The following MLLT3 variants were observed in gnomAD, a reference collection of about 807,000 sequenced individuals.
MLLT3 encodes the protein protein AF-9.
A neutral mutation model predicts 53.2 loss-of-function variants in MLLT3; 4 were observed. That is an observed-to-expected ratio of 0.08 (90% CI 0.04 to 0.17). MLLT3 has a LOEUF of 0.17. Among genes scored for constraint, MLLT3 ranks in the 10% least tolerant of loss-of-function variants. The pLI is 1.00. For synonymous variants in MLLT3, 283 were observed against 230.6 expected, an observed-to-expected ratio of 1.23 and a Z score of -2.06; for missense variants, 569 against 684.0, an observed-to-expected ratio of 0.83 and a Z score of 1.87.
At chr9:20,614,482 A>C (rs1820776391) in intron 2 of MLLT3, among the ~76,000 whole-genome samples, 1 of 152,116 alleles carries the variant, frequency 6.6e-6, no homozygotes, top group Non-Finnish European at 1.5e-5. Flanking sequence ...AAAAAAAAGC[A>C]CACACTTGTT....
Position 20,448,016 on chromosome 9 carries a change from C to A in MLLT3, c.420+107G>T. On this transcript the variant is annotated intron_variant, in intron 4 of 10. Transcript: ENST00000380338. The surrounding 1 kb of genome is among the most constrained non-coding windows in gnomAD (Gnocchi z 4.0). The stretch of plus-strand genomic sequence containing the variant: ...AAGGTACATCATTTCTTTTACCTCT[C>A]CCAAAACCTTATACTTTTTAACACA... 7.8e-7 allele frequency: 1 copy of A among 1,279,502 alleles called. No individual in the cohort carries two copies. Among genetic ancestry groups the A allele is most frequent in the African/African-American group, 1.5e-5 (1 of 67,344 alleles). The allele number at this position is 1,279,502 out of a possible 1,614,324, so 79.3% of individuals were successfully genotyped here.
intron 2 of MLLT3, among the ~76,000 whole-genome samples, chr9:20,537,230 G>A (rs1039316840): frequency 3.3e-5 from 5 of 152,166 alleles, no homozygotes; most frequent in Admixed American, 2.0e-4. Context: ...AGCTGGGCAA[G>A]AAAGAGCTAA....
intron 2 of MLLT3, among the ~76,000 whole-genome samples, chr9:20,584,778 T>C (rs1819905992): frequency 1.3e-5 from 2 of 152,288 alleles, no homozygotes; most frequent in East Asian, 3.9e-4. Flanking sequence ...AGTTGAGATT[T>C]GGGTGGGGGC....
intron 7 of MLLT3, among the ~76,000 whole-genome samples, chr9:20,362,069 G>C (rs1206916702): frequency 6.6e-6 from 1 of 152,220 alleles, no homozygotes; most frequent in African/African-American, 2.4e-5. Context: ...GAAGTGGAAG[G>C]CTAAGTATTT....
chr9:20,350,888 G>T (rs980558802), intron 10 of MLLT3, among the ~76,000 whole-genome samples: 2 of 152,092 alleles, frequency 1.3e-5, no homozygotes, highest in Non-Finnish European at 2.9e-5. Context: ...AAAAACCAGG[G>T]TTCTTTCCAT....
intron 3 of MLLT3, among the ~76,000 whole-genome samples, chr9:20,450,174 C>A (rs1238881063): frequency 6.6e-6 from 1 of 152,156 alleles, no homozygotes; most frequent in Admixed American, 6.5e-5. Flanking sequence ...TTACTTCTTC[C>A]TCACTCACTA....
At chr9:20,599,793 G>A (rs79919402) in intron 2 of MLLT3, among the ~76,000 whole-genome samples, 257 of 152,208 alleles carry the variant, frequency 1.7e-3, no homozygotes, top group Middle Eastern at 0.014. Flanking sequence ...CAGCAAAACA[G>A]GACATAGAGT....
chr9:20,494,529 A>G (rs1044545273), intron 2 of MLLT3, among the ~76,000 whole-genome samples: 4 of 152,168 alleles, frequency 2.6e-5, no homozygotes, highest in Admixed American at 6.5e-5. Context: ...CTGCAATGAT[A>G]TTTCCCAAAT....
In MLLT3 at chr9:20,525,127, A is replaced by G. The variant is rs888989196; in HGVS notation, c.194-68341T>C. The stretch of plus-strand genomic sequence containing the variant: ...GAAAGTAGAATTAAGAAGAAAGACT[A>G]AAAAAAAAAAAAAAAAAAACAGAGG... On this transcript the variant is annotated intron_variant, in intron 2 of 10. Coordinates refer to ENST00000380338, the MANE Select transcript of MLLT3 (RefSeq NM_004529.4). Among the ~76,000 whole-genome samples the G allele has an allele frequency of 5.1e-3, 602 of 118,092 alleles. 2 individuals are homozygous for G. Among genetic ancestry groups the G allele is most frequent in the African/African-American group, 0.023 (523 of 22,470 alleles). 77.5% of individuals were successfully genotyped at this position (118,092 alleles called of 152,430 possible). A position where few individuals can be genotyped will look rare whatever the true frequency, so the allele number is the denominator to read the frequency against.
intron 2 of MLLT3, among the ~76,000 whole-genome samples, chr9:20,618,013 T>C (rs1820879304): frequency 6.6e-6 from 1 of 152,242 alleles, no homozygotes; most frequent in African/African-American, 2.4e-5. Flanking sequence ...TCTTTCATCT[T>C]TGTGGCTGAG....
chr9:20,437,372 AAAAT>A (rs1563965364), intron 4 of MLLT3, among the ~76,000 whole-genome samples: 1 of 152,224 alleles, frequency 6.6e-6, no homozygotes, highest in Non-Finnish European at 1.5e-5. Context: ...TTAAAAAAGA[AAAAT>A]AAACTGAAGC....
chr9:20,450,850 G>A (rs55656749), intron 3 of MLLT3, among the ~76,000 whole-genome samples: 9,089 of 152,188 alleles, frequency 0.06, 352 homozygotes, highest in Middle Eastern at 0.1. Flanking sequence ...ATTTTAAAAG[G>A]AGGGCAGTTT....
At chr9:20,472,232 T>G (rs1468009171) in intron 2 of MLLT3, among the ~76,000 whole-genome samples, 1 of 152,088 alleles carries the variant, frequency 6.6e-6, no homozygotes, top group South Asian at 2.1e-4. Flanking sequence ...ACAGAAACTA[T>G]ATTAATAAAC....
intron 4 of MLLT3, among the ~76,000 whole-genome samples, chr9:20,419,679 G>C (rs1464683162): frequency 6.6e-6 from 1 of 152,120 alleles, no homozygotes; most frequent in Admixed American, 6.5e-5. Flanking sequence ...GGGAGAAAAA[G>C]AAGTAGAACC....
At position 20,341,835 on chromosome 9, in the gene MLLT3, T is replaced by C. The variant is rs1184037073; in HGVS notation, c.*4608A>G. On this transcript the variant is annotated 3_prime_UTR_variant, in exon 11 of 11. Transcript: ENST00000380338. ...TTCTGAACAAAACCCTCCAAAGAAA[T>C]AGGGGGGAAAGAAAAAATACCGGGC... 2.0e-5 allele frequency: 4 copies of C among 204,520 alleles called. No homozygotes were observed. The highest frequency in any genetic ancestry group is 1.5e-3 in the Middle Eastern group (1 of 654). The allele number at this position is 204,520 out of a possible 1,614,324, so 12.7% of individuals were successfully genotyped here.
intron 5 of MLLT3, among the ~76,000 whole-genome samples, chr9:20,380,642 G>C (rs1821887459): frequency 6.6e-6 from 1 of 151,952 alleles, no homozygotes; most frequent in South Asian, 2.1e-4. Flanking sequence ...ATGTAGTAAA[G>C]GCTGCTTATT....
intron 2 of MLLT3, among the ~76,000 whole-genome samples, chr9:20,580,582 A>G (rs2131173832): frequency 6.6e-6 from 1 of 152,204 alleles, no homozygotes; most frequent in South Asian, 2.1e-4. Context: ...CTCTGCCTAT[A>G]ATGGTTAGTC....
chr9:20,428,125 C>G (rs1823181852), intron 4 of MLLT3, among the ~76,000 whole-genome samples: 1 of 151,892 alleles, frequency 6.6e-6, no homozygotes, highest in East Asian at 1.9e-4. Context: ...TGCTAAACAT[C>G]AGAAAAACCC....
intron 2 of MLLT3, among the ~76,000 whole-genome samples, chr9:20,544,998 G>C (rs114736353): frequency 0.016 from 2,338 of 149,784 alleles, 74 homozygotes; most frequent in African/African-American, 0.055. Flanking sequence ...CTGAGGCTGA[G>C]GTAGAAGGGC....
Sources: allele counts gnomAD v4.1 joint callset (sites outside exome capture counted in the v4.1 genomes callset), GRCh38; gene constraint gnomAD v4.1.1; non-coding constraint Gnocchi (gnomAD v3.1); transcripts MANE v1.5; gene names NCBI Gene and HGNC (gene_info 2026-07-23, HGNC 2026-07-21).